The following UBR4 variants were observed in gnomAD, a reference collection of about 807,000 sequenced individuals.
The protein encoded by UBR4 is E3 ubiquitin-protein ligase UBR4.
A neutral mutation model predicts 575.6 loss-of-function variants in UBR4; 124 were observed. That is an observed-to-expected ratio of 0.22 (90% CI 0.19 to 0.25). UBR4 has a LOEUF of 0.25. UBR4 is among the 10% of genes least tolerant of loss of function. The pLI, the probability that UBR4 is intolerant of heterozygous loss-of-function variation, is 1.00. For missense variants in UBR4, 4,818 were observed against 6,478.8 expected (o/e 0.74, Z 8.80); for synonymous variants, 2,455 against 2,473.7 (o/e 0.99, Z 0.22).
chr1:19,152,530 C>G lies in UBR4; in HGVS notation c.6833-54G>C. The G allele has an allele frequency of 6.2e-7, 1 of 1,607,420 alleles. No homozygotes were observed. On this transcript the variant is annotated intron_variant, in intron 46 of 105. Coordinates refer to ENST00000375254, the MANE Select transcript of UBR4 (RefSeq NM_020765.3). The surrounding 1 kb of genome is among the most constrained non-coding windows in gnomAD (Gnocchi z 4.4). ...AGTCTCTCCCACCTCTGCCCCAACA[C>G]CACTGGTAAAGACTCCTCCCAGACA...
At chr1:19,188,366 C>T (rs977066725) in intron 11 of UBR4, among the ~76,000 whole-genome samples, 4 of 152,090 alleles carry the variant, frequency 2.6e-5, no homozygotes, top group African/African-American at 9.7e-5. Context: ...CCAACCTGGG[C>T]AACATGGCAA....
At chr1:19,209,420 T>C (rs549148558) in intron 1 of UBR4, among the ~76,000 whole-genome samples, 2 of 152,072 alleles carry the variant, frequency 1.3e-5, no homozygotes, top group Non-Finnish European at 2.9e-5. Flanking sequence ...AACCAACAGA[T>C]AGTACCGTTT....
chr1:19,147,393 T>G (rs2085016337), intron 51 of UBR4, among the ~76,000 whole-genome samples: 1 of 152,192 alleles, frequency 6.6e-6, no homozygotes. Flanking sequence ...TTCTCAGTTC[T>G]CCGGGTTGGA....
chr1:19,141,745 C>T lies in UBR4; in HGVS notation c.8212G>A (p.Asp2738Asn). The change falls in exon 56 of 106, where the codon GAT becomes AAT. Residue 2738 changes from aspartate to asparagine, a missense_variant. By Grantham distance (23) the Asp-to-Asn change is conservative. Coordinates refer to ENST00000375254, the MANE Select transcript of UBR4 (RefSeq NM_020765.3). The part of the protein sequence containing the change: ...DKDDDDDDDA[D>N]EKMQSSGIPN... ...ATCCCTGATGACTGCATTTTCTCAT[C>T]TGCATCATCATCGTCATCATCATCC... 6.2e-7 allele frequency: 1 copy of T among 1,614,230 alleles called. No individual in the cohort carries two copies. The highest frequency in any genetic ancestry group is 8.5e-7 in the Non-Finnish European group (1 of 1,180,046).
intron 85 of UBR4, 97 bp from the exon 86 acceptor site, chr1:19,104,763 G>A: frequency 7.6e-7 from 1 of 1,312,066 alleles, no homozygotes; most frequent in Non-Finnish European, 1.1e-6. Context: ...CAGACACTCT[G>A]TAGTTACATC....
intron 61 of UBR4, 143 bp from the exon 62 acceptor site, chr1:19,128,461 G>T: frequency 1.4e-6 from 1 of 698,692 alleles, no homozygotes; most frequent in Non-Finnish European, 2.3e-6. Context: ...CTAAATTCCA[G>T]GTATCCAAAG....
At chr1:19,149,162 T>C (rs80267753) in intron 49 of UBR4, among the ~76,000 whole-genome samples, 2 of 152,160 alleles carry the variant, frequency 1.3e-5, no homozygotes, top group Non-Finnish European at 2.9e-5. Flanking sequence ...ATACAAAGCA[T>C]CTTTAGAAAA....
At position 19,100,204 on chromosome 1, in the gene UBR4, G is replaced by T. The variant is rs765627351; in HGVS notation, c.13221+172C>A. 4 of 664,654 alleles carry T rather than the reference G, an allele frequency of 6.0e-6. No homozygotes were observed. Among genetic ancestry groups the T allele is most frequent in the Non-Finnish European group, 1.0e-5 (4 of 386,190 alleles). The allele number at this position is 664,654 out of a possible 1,614,324, so 41.2% of individuals were successfully genotyped here. A position where few individuals can be genotyped will look rare whatever the true frequency, so the allele number is the denominator to read the frequency against. On this transcript the variant is annotated intron_variant, in intron 89 of 105. Transcript: ENST00000375254. The surrounding 1 kb of genome is among the most constrained non-coding windows in gnomAD (Gnocchi z 4.2). ...AGCCCTTTACAGGTTATTAACCTTAGCACTAGGTGAGGTAGAAAGGTGGGA... is the reference window on the plus strand; with the variant it reads ...AGCCCTTTACAGGTTATTAACCTTATCACTAGGTGAGGTAGAAAGGTGGGA...
rs1175415540 is a variant in UBR4 at position 19,165,235 on chromosome 1, A to T, written c.4312+14T>A. ...AAAGTTCCCATAAGAAGATTACTAA[A>T]AGCTGTCACTCACTCAGCTGGAAGA... On this transcript the variant is annotated intron_variant, in intron 31 of 105. Transcript: ENST00000375254. 1 of 1,607,516 alleles carries T rather than the reference A, an allele frequency of 6.2e-7. No individual in the cohort carries two copies. The highest frequency in any genetic ancestry group is 2.2e-5 in the East Asian group (1 of 44,862).
At chr1:19,095,856 G>A (rs1298916289) in intron 92 of UBR4, 1 of 524,780 alleles carries the variant, frequency 1.9e-6, no homozygotes, top group Non-Finnish European at 3.5e-6. Context: ...TCCAATGGCG[G>A]GATATATCTC....
chr1:19,139,319 C>T lies in UBR4; in HGVS notation c.8594-99G>A, dbSNP rs1199153816. 1 of 1,450,512 alleles carries T rather than the reference C, an allele frequency of 6.9e-7. No individual in the cohort carries two copies. The highest frequency in any genetic ancestry group is 2.4e-5 in the Admixed American group (1 of 41,400). 89.9% of individuals were successfully genotyped at this position (1,450,512 alleles called of 1,614,324 possible). On this transcript the variant is annotated intron_variant, in intron 58 of 105. Coordinates refer to ENST00000375254, the MANE Select transcript of UBR4 (RefSeq NM_020765.3). This position sits in a 1 kb window ranked among gnomAD's most constrained non-coding sequence, Gnocchi z 4.2. ...CCCTCCTTGGGATGAAAGCATCAAA[C>T]CACATAGTGCATAGGACACAATGCA...
Position 19,152,183 on chromosome 1 carries a change from T to G in UBR4, c.6996+130A>C. The G allele has an allele frequency of 4.5e-6, 6 of 1,339,612 alleles. No individual in the cohort carries two copies. The highest frequency in any genetic ancestry group is 6.1e-6 in the Non-Finnish European group (6 of 976,118). The allele number at this position is 1,339,612 out of a possible 1,614,324, so 83.0% of individuals were successfully genotyped here. A position where few individuals can be genotyped will look rare whatever the true frequency, so the allele number is the denominator to read the frequency against. Reference sequence around the variant, plus strand: ...ATATCCATTTTTCTAAGGAACCATTTAACTAGAACCGAGGGTTGTGACTGT... The same window carrying G: ...ATATCCATTTTTCTAAGGAACCATTGAACTAGAACCGAGGGTTGTGACTGT... On this transcript the variant is annotated intron_variant, in intron 47 of 105. Transcript: ENST00000375254. This position sits in a 1 kb window ranked among gnomAD's most constrained non-coding sequence, Gnocchi z 4.4.
chr1:19,131,259 A>AT (rs1557709853), intron 60 of UBR4, among the ~76,000 whole-genome samples: 3 of 145,852 alleles, frequency 2.1e-5, no homozygotes, highest in Non-Finnish European at 4.6e-5. Context: ...AAAAAAAAAA[A>AT]AAAAAAAAAA....
Position 19,210,120 on chromosome 1 carries a change from G to A in UBR4, c.129C>T (p.Ala43=). Residue 43 remains alanine, a synonymous_variant, in exon 1 of 106, where the codon GCC becomes GCT. Transcript: ENST00000375254. Reference sequence around the variant, plus strand: ...GCTGCGGCAACTCCTTCATCTCGAAGGCGGAGTAGGACGCGGACAGCAGGG... The same window carrying A: ...GCTGCGGCAACTCCTTCATCTCGAAAGCGGAGTAGGACGCGGACAGCAGGG... ...VRPLLSASYS[A]FEMKELPQLV... is the part of the protein sequence containing the mutation. 6.3e-7 allele frequency: 1 copy of A among 1,586,464 alleles called. No individual in the cohort carries two copies. The highest frequency in any genetic ancestry group is 1.1e-5 in the South Asian group (1 of 88,340).
At chr1:19,205,392 G>A (rs1034462678) in intron 1 of UBR4, among the ~76,000 whole-genome samples, 1 of 152,114 alleles carries the variant, frequency 6.6e-6, no homozygotes, top group Non-Finnish European at 1.5e-5. Context: ...TTTTGTAAAT[G>A]GTAGAAATTC....
rs201926346 is a variant in UBR4 at position 19,086,089 on chromosome 1, T to C, written c.14813+56A>G. The stretch of plus-strand genomic sequence containing the variant: ...AGGGGATTGGGCTGATAGCGGGTCT[T>C]GTCCCATCCCCTGCAAATCCCCTCC... On this transcript the variant is annotated intron_variant, in intron 101 of 105. Transcript: ENST00000375254. 3.3e-4 allele frequency: 524 copies of C among 1,596,984 alleles called. 7 individuals are homozygous for C. The East Asian group carries it at 0.012, about 35-fold the overall frequency.
intron 97 of UBR4, among the ~76,000 whole-genome samples, chr1:19,092,202 T>C (rs1337186922): frequency 1.3e-5 from 2 of 152,182 alleles, no homozygotes; most frequent in Non-Finnish European, 2.9e-5. Flanking sequence ...TATATCCTGG[T>C]TGTGGTGTGT....
intron 2 of UBR4, among the ~76,000 whole-genome samples, chr1:19,200,268 T>TAA (rs944168674): frequency 1.5e-5 from 2 of 135,240 alleles, no homozygotes; most frequent in African/African-American, 5.2e-5. Context: ...TGATGAGCTT[T>TAA]AAAAAAAAAA....
intron 2 of UBR4, among the ~76,000 whole-genome samples, 160 bp from the exon 3 acceptor site, chr1:19,199,914 A>T (rs549560289): frequency 6.6e-6 from 1 of 152,354 alleles, no homozygotes; most frequent in African/African-American, 2.4e-5. Flanking sequence ...TGACATCAAT[A>T]ACTACCAGAT....
Sources: allele counts gnomAD v4.1 joint callset (sites outside exome capture counted in the v4.1 genomes callset), GRCh38; gene constraint gnomAD v4.1.1; non-coding constraint Gnocchi (gnomAD v3.1); transcripts MANE v1.5; gene names NCBI Gene and HGNC (gene_info 2026-07-23, HGNC 2026-07-21).